FCGR3B: variants seen among roughly 807,000 people sequenced by gnomAD.
The protein encoded by FCGR3B is low affinity immunoglobulin gamma Fc region receptor III-B.
A neutral mutation model predicts 26.7 loss-of-function variants in FCGR3B; 20 were observed. The ratio of observed to expected loss-of-function variants is 0.75; its 90% CI spans 0.53 to 1.09. FCGR3B has a LOEUF of 1.09. Ranked by LOEUF, FCGR3B falls within the 50% of genes least tolerant of loss-of-function variation. The pLI, the probability that FCGR3B is intolerant of heterozygous loss-of-function variation, is 0.00. For synonymous variants in FCGR3B, 79 were observed against 107.0 expected (o/e 0.74, Z 1.62); for missense variants, 191 against 279.7 (o/e 0.68, Z 2.26).
chr1:161,627,091 A>G (rs1402865493), intron 3 of FCGR3B, among the ~76,000 whole-genome samples: 2 of 150,104 alleles, frequency 1.3e-5, no homozygotes, highest in Admixed American at 1.3e-4. Context: ...TCTCACAATC[A>G]TGTCACCAAG....
intron 3 of FCGR3B, among the ~76,000 whole-genome samples, chr1:161,628,583 G>A (rs1349603153): frequency 6.7e-6 from 1 of 148,320 alleles, no homozygotes; most frequent in Non-Finnish European, 1.5e-5. Flanking sequence ...ATACCTTCTT[G>A]TAGCTCTGGA....
Position 161,631,126 on chromosome 1 carries a change from G to A in FCGR3B, c.-32C>T. On this transcript the variant is annotated 5_prime_UTR_variant, in exon 1 of 5. Coordinates refer to ENST00000650385, the MANE Select transcript of FCGR3B (RefSeq NM_001244753.2). ...ACACTGGAGTGGACAAGTCACCAAA[G>A]ATATCCGGAGCCCTAAAGGGACCAA... The A allele has an allele frequency of 6.2e-7, 1 of 1,607,758 alleles. No homozygotes were observed. Among genetic ancestry groups the A allele is most frequent in the Non-Finnish European group, 8.5e-7 (1 of 1,177,396 alleles).
intron 3 of FCGR3B, among the ~76,000 whole-genome samples, chr1:161,627,606 C>G (rs1183064080): frequency 6.7e-6 from 1 of 150,320 alleles, no homozygotes; most frequent in South Asian, 2.1e-4. Flanking sequence ...AGCCATGTGC[C>G]TATCTATCCA....
Position 161,626,118 on chromosome 1 carries a change from G to T in FCGR3B, c.577+27C>A, listed in dbSNP as rs766818878. On this transcript the variant is annotated intron_variant, in intron 4 of 4. Transcript: ENST00000650385. ...CAGGTTCCACACACAGGCGTCCCTG[G>T]GCATTCCAGGGTGGCACATGTCTCA... is the stretch of plus-strand genomic sequence containing the variant. The T allele has an allele frequency of 2.1e-5, 33 of 1,602,134 alleles. 1 individual carries two copies. The South Asian group carries it at 2.7e-4, about 13-fold the overall frequency.
intron 3 of FCGR3B, 43 bp from the exon 4 acceptor site, chr1:161,626,445 C>A: frequency 1.9e-6 from 3 of 1,598,888 alleles, no homozygotes; most frequent in Non-Finnish European, 2.6e-6. Context: ...GGCCTCAGCT[C>A]TCAGTGCAGA....
At chr1:161,626,086 G>A in intron 4 of FCGR3B, 59 bp downstream of exon 4, 2 of 1,573,956 alleles carry the variant, frequency 1.3e-6, no homozygotes, top group Admixed American at 1.7e-5. Flanking sequence ...ACTTCCCAGT[G>A]TGAGTGCAGG....
In FCGR3B at chr1:161,630,824, A is replaced by G. The variant is rs1263635412; in HGVS notation, c.40+231T>C. Reference sequence around the variant, plus strand: ...TTTGGTTCCACATAGTGATTCTGGGACCCAGAGGGGTGAAGTGACTGGCCT... The same window carrying G: ...TTTGGTTCCACATAGTGATTCTGGGGCCCAGAGGGGTGAAGTGACTGGCCT... On this transcript the variant is annotated intron_variant, in intron 1 of 4. Transcript: ENST00000650385. 3 of 974,080 alleles carry G rather than the reference A, an allele frequency of 3.1e-6. No individual in the cohort carries two copies. In the East Asian group the frequency reaches 8.5e-5, roughly 27 times the overall value. 60.3% of individuals were successfully genotyped at this position (974,080 alleles called of 1,614,324 possible). A position where few individuals can be genotyped will look rare whatever the true frequency, so the allele number is the denominator to read the frequency against.
intron 4 of FCGR3B, among the ~76,000 whole-genome samples, 190 bp from the exon 5 acceptor site, chr1:161,624,829 G>A (rs1461113471): frequency 6.7e-6 from 1 of 148,282 alleles, no homozygotes; most frequent in African/African-American, 2.5e-5. Flanking sequence ...TCTGAGCAGA[G>A]GACAGCTCAC....
chr1:161,627,858 AG>A (rs901018548), intron 3 of FCGR3B, among the ~76,000 whole-genome samples: 1 of 150,360 alleles, frequency 6.7e-6, no homozygotes, highest in Non-Finnish European at 1.5e-5. Flanking sequence ...TCTACAGCCT[AG>A]ACATAGAAAC....
chr1:161,625,799 A>G (rs1197696206), intron 4 of FCGR3B, among the ~76,000 whole-genome samples: 1 of 145,484 alleles, frequency 6.9e-6, no homozygotes, highest in Non-Finnish European at 1.5e-5. Flanking sequence ...AAAGGCTTGG[A>G]TAAGAAGGAG....
intron 4 of FCGR3B, among the ~76,000 whole-genome samples, chr1:161,625,162 G>A (rs1201223597): frequency 7.9e-6 from 1 of 127,170 alleles, no homozygotes; most frequent in Non-Finnish European, 1.7e-5. Flanking sequence ...TTTACTTTCA[G>A]TTTAAAGTGT....
rs767195235 is a variant in FCGR3B at position 161,626,413 on chromosome 1, C to T, written c.320-11G>A. 1.1e-5 allele frequency: 17 copies of T among 1,608,672 alleles called. 1 individual carries two copies. The highest frequency in any genetic ancestry group is 3.4e-6 in the Non-Finnish European group (4 of 1,178,006). ...GGAGCAACAGCCAGCCTGAAAGACA[C>T]AGAGACACCCCAGGCCCGGGAGGCC... On this transcript the variant is annotated splice_polypyrimidine_tract_variant and intron_variant, in intron 3 of 4. Transcript: ENST00000650385.
At chr1:161,631,292 T>A (rs181006240), upstream of FCGR3B, 6 of 1,374,646 alleles carry the variant, frequency 4.4e-6, no homozygotes, top group Admixed American at 9.6e-5. Context: ...AGAACAGGAA[T>A]AGGAAGGAAA....
chr1:161,631,704 T>C (rs1288412695), upstream of FCGR3B, among the ~76,000 whole-genome samples: 2 of 126,560 alleles, frequency 1.6e-5, no homozygotes, highest in African/African-American at 5.8e-5. Context: ...ATCTATATGC[T>C]CCTGGGATAT....
chr1:161,628,711 C>T (rs929867894), intron 3 of FCGR3B, among the ~76,000 whole-genome samples: 9 of 144,136 alleles, frequency 6.2e-5, no homozygotes, highest in Non-Finnish European at 9.1e-5. Flanking sequence ...TGCCCTTCTT[C>T]CCCCAAAGCT....
chr1:161,627,774 C>A (rs1679535735), intron 3 of FCGR3B, among the ~76,000 whole-genome samples: 1 of 150,152 alleles, frequency 6.7e-6, no homozygotes, highest in South Asian at 2.1e-4. Flanking sequence ...TTTCATCAAG[C>A]ACTCACTATG....
chr1:161,627,286 G>A (rs191123166), intron 3 of FCGR3B, among the ~76,000 whole-genome samples: 152 of 150,236 alleles, frequency 1.0e-3, no homozygotes, highest in Admixed American at 8.5e-3. Context: ...AAAAAAGAAG[G>A]ATATGCACTT....
At chr1:161,631,212 C>A (rs755177040), upstream of FCGR3B, 20 of 1,586,586 alleles carry the variant, frequency 1.3e-5, no homozygotes, top group African/African-American at 5.5e-5. Context: ...TCTCTGTCAC[C>A]TGCCAGTTTC....
chr1:161,631,097 T>C lies in FCGR3B; in HGVS notation c.-3A>G, dbSNP rs1192778336. The C allele has an allele frequency of 6.2e-7, 1 of 1,607,546 alleles. No individual in the cohort carries two copies. The highest frequency in any genetic ancestry group is 1.4e-5 in the African/African-American group (1 of 73,172). ...GTTGGGAGGAGCAGCTGCCACATGA[T>C]GCCACACTGGAGTGGACAAGTCACC... On this transcript the variant is annotated 5_prime_UTR_variant, in exon 1 of 5. Transcript: ENST00000650385.
Sources: allele counts gnomAD v4.1 joint callset (sites outside exome capture counted in the v4.1 genomes callset), GRCh38; gene constraint gnomAD v4.1.1; transcripts MANE v1.5; gene names NCBI Gene and HGNC (gene_info 2026-07-23, HGNC 2026-07-21).